Variants in CSH2 observed in about 807,000 individuals in gnomAD.
CSH2 encodes the protein chorionic somatomammotropin hormone 2, also known as choriomammotropin.
A neutral mutation model predicts 22.7 loss-of-function variants in CSH2; 10 were observed. That is an observed-to-expected ratio of 0.44 (90% CI 0.27 to 0.75). CSH2 has a LOEUF of 0.75. Ranked by LOEUF, CSH2 falls within the 30% of genes least tolerant of loss-of-function variation. The pLI is 0.16. For synonymous variants in CSH2, 64 were observed against 115.0 expected (o/e 0.56, Z 2.84); for missense variants, 161 against 271.0 (o/e 0.59, Z 2.85).
chr17:63,872,476 G>T (rs1905138396), intron 4 of CSH2, 101 bp downstream of exon 4: 1 of 1,613,764 alleles, frequency 6.2e-7, no homozygotes, highest in African/African-American at 1.3e-5. Flanking sequence ...GTTCTCTTGG[G>T]TCAGCGCCTG....
intron 4 of CSH2, 55 bp downstream of exon 4, chr17:63,872,522 C>A (rs780919612): frequency 1.2e-6 from 2 of 1,613,892 alleles, no homozygotes; most frequent in African/African-American, 1.3e-5. Flanking sequence ...TTCTCTCCCC[C>A]AGCCCTCTAA....
chr17:63,873,434 A>C, intron 1 of CSH2, 95 bp from the exon 2 acceptor site: 1 of 1,603,216 alleles, frequency 6.2e-7, no homozygotes, highest in Non-Finnish European at 8.5e-7. Context: ...CTCTCTCTCC[A>C]TCCCTCCAGA....
chr17:63,872,205 A>T lies in CSH2; in HGVS notation c.575T>A (p.Phe192Tyr). 6.2e-7 allele frequency: 1 copy of T among 1,613,980 alleles called. No homozygotes were observed. Among genetic ancestry groups the T allele is most frequent in the Non-Finnish European group, 8.5e-7 (1 of 1,179,932 alleles). ...LLKNYGLLYC[F>Y]RKDMDKVETF... is the part of the protein sequence containing the mutation. ...CTCGACCTTGTCCATGTCCTTCCTG[A>T]AGCAGTAGAGCAGCCCGTAGTTCTT... The change falls in exon 5 of 5, where the codon TTC (phenylalanine) becomes TAC (tyrosine). Residue 192 changes from phenylalanine (F) to tyrosine (Y), a missense_variant. Around this residue, in one of 2 missense-constraint regions of CSH2, gnomAD observed 145 missense variants for 157.8 expected, o/e 0.92. Transcript: ENST00000392886.
intron 4 of CSH2, 123 bp from the exon 5 acceptor site, chr17:63,872,446 C>G (rs922268681): frequency 1.4e-5 from 23 of 1,613,598 alleles, no homozygotes; most frequent in African/African-American, 4.0e-5. Context: ...ATTCACCAGG[C>G]GAAATGAAGA....
At position 63,872,175 on chromosome 17, in the gene CSH2, A is replaced by G; in HGVS notation, c.605T>C (p.Phe202Ser). ...FRKDMDKVET[F>S]LRMVQCRSVE... ...AGAGCGGCACTGCACCATGCGCAGG[A>G]ATGTCTCGACCTTGTCCATGTCCTT... The change falls in exon 5 of 5, where the codon TTC (phenylalanine) becomes TCC (serine). Residue 202 changes from phenylalanine (F) to serine (S), a missense_variant. By Grantham distance (155) the Phe-to-Ser change is radical. This residue lies in a region of CSH2 where 145 missense variants were observed against 157.8 expected (regional missense o/e 0.92). Coordinates refer to ENST00000392886, the MANE Select transcript of CSH2 (RefSeq NM_020991.4). 1.9e-6 allele frequency: 3 copies of G among 1,614,046 alleles called. No individual in the cohort carries two copies. Among genetic ancestry groups the G allele is most frequent in the Non-Finnish European group, 2.5e-6 (3 of 1,179,942 alleles).
In CSH2 at chr17:63,872,689, G is replaced by A. The variant is rs1905148791; in HGVS notation, c.344C>T (p.Pro115Leu). The A allele has an allele frequency of 1.3e-6, 2 of 1,599,116 alleles. No homozygotes were observed. Among genetic ancestry groups the A allele is most frequent in the African/African-American group, 2.8e-5 (2 of 71,016 alleles). Residue 115 changes from proline to leucine, a missense_variant, in exon 4 of 5, where the codon CCC becomes CTC. Physicochemically the swap from Pro to Leu is moderately conservative, Grantham distance 98 (BLOSUM62 -3). Coordinates refer to ENST00000392886, the MANE Select transcript of CSH2 (RefSeq NM_020991.4). ...SLLLIESWLEPVRFLRSMFAN... is the reference protein window; with the variant it reads ...SLLLIESWLELVRFLRSMFAN... Reference sequence around the variant, plus strand: ...GAACATACTCCTGAGGAACCGCACGGGCTCCAGCCACGACTCGATGAGCAG... The same window carrying A: ...GAACATACTCCTGAGGAACCGCACGAGCTCCAGCCACGACTCGATGAGCAG...
Position 63,872,067 on chromosome 17 carries a change from C to A in CSH2, c.*59G>T. ...AAGGCTGATGGGCACTGGAGTGGCA[C>A]CTTCCAGGGCCAGGAGAGGCACTGG... On this transcript the variant is annotated 3_prime_UTR_variant, in exon 5 of 5. Coordinates refer to ENST00000392886, the MANE Select transcript of CSH2 (RefSeq NM_020991.4). The A allele has an allele frequency of 1.9e-6, 3 of 1,613,208 alleles. No homozygotes were observed. The highest frequency in any genetic ancestry group is 2.5e-6 in the Non-Finnish European group (3 of 1,179,368).
Position 63,872,249 on chromosome 17 carries a change from G to T in CSH2, c.531C>A (p.His177Gln), listed in dbSNP as rs1318234209. 2.5e-6 allele frequency: 4 copies of T among 1,614,004 alleles called. 1 individual carries two copies. The highest frequency in any genetic ancestry group is 2.5e-6 in the Non-Finnish European group (3 of 1,179,896). The change falls in exon 5 of 5, where the codon CAC (histidine) becomes CAA (glutamine). Residue 177 changes from histidine (H) to glutamine (Q), a missense_variant. His to Gln is a conservative substitution (Grantham distance 24, BLOSUM62 0). This residue lies in a region of CSH2 where 145 missense variants were observed against 157.8 expected (regional missense o/e 0.92). Transcript: ENST00000392886. ...QTYSKFDTNS[H>Q]NHDALLKNYG... ...AGTTCTTGAGCAGTGCGTCATGGTT[G>T]TGTGAGTTTGTGTCAAACTTGCTGT...
rs1322361776 is a variant in CSH2, at chr17:63,872,125, C to G, written c.*1G>C. Reference sequence around the variant, plus strand: ...TCGGTCACAGGATGCCACGCGGGCACCTAGAAGCCACAGCTACCCTCTACA... The same window carrying G: ...TCGGTCACAGGATGCCACGCGGGCAGCTAGAAGCCACAGCTACCCTCTACA... On this transcript the variant is annotated 3_prime_UTR_variant, in exon 5 of 5. Transcript: ENST00000392886. The G allele has an allele frequency of 6.2e-7, 1 of 1,614,070 alleles. No homozygotes were observed. Among genetic ancestry groups the G allele is most frequent in the East Asian group, 2.2e-5 (1 of 44,874 alleles).
upstream of CSH2, chr17:63,873,721 C>G (rs974448439): frequency 7.1e-7 from 1 of 1,404,456 alleles, no homozygotes; most frequent in Non-Finnish European, 9.8e-7. Context: ...GGCCAGTTCT[C>G]TCTCCCTGCT....
At position 63,872,076 on chromosome 17, in the gene CSH2, G is replaced by C. The variant is rs779662134; in HGVS notation, c.*50C>G. ...GGGCACTGGAGTGGCACCTTCCAGG[G>C]CCAGGAGAGGCACTGGGGAGGGGTC... On this transcript the variant is annotated 3_prime_UTR_variant, in exon 5 of 5. Coordinates refer to ENST00000392886, the MANE Select transcript of CSH2 (RefSeq NM_020991.4). 1 of 1,613,468 alleles carries C rather than the reference G, an allele frequency of 6.2e-7. No individual in the cohort carries two copies. The highest frequency in any genetic ancestry group is 2.2e-5 in the East Asian group (1 of 44,896).
In CSH2 at chr17:63,872,174, G is replaced by A; in HGVS notation, c.606C>T (p.Phe202=). 6.2e-7 allele frequency: 1 copy of A among 1,614,094 alleles called. No individual in the cohort carries two copies. The highest frequency in any genetic ancestry group is 2.2e-5 in the East Asian group (1 of 44,886). The change falls in exon 5 of 5, where the codon TTC becomes TTT. Residue 202 remains phenylalanine (F), a synonymous_variant. Coordinates refer to ENST00000392886, the MANE Select transcript of CSH2 (RefSeq NM_020991.4). ...FRKDMDKVET[F]LRMVQCRSVE... is the part of the protein sequence containing the mutation. ...CAGAGCGGCACTGCACCATGCGCAG[G>A]AATGTCTCGACCTTGTCCATGTCCT... is the stretch of plus-strand genomic sequence containing the variant.
rs757507815 is a variant in CSH2 at position 63,873,578 on chromosome 17, G to T, written c.10+27C>A. 9.9e-6 allele frequency: 16 copies of T among 1,610,126 alleles called. No individual in the cohort carries two copies. In the Middle Eastern group the frequency reaches 5.6e-4, roughly 56 times the overall value. On this transcript the variant is annotated intron_variant, in intron 1 of 4. Transcript: ENST00000392886. ...TGCCTCTCCCCTCAGGACACGTTGT[G>T]CCCAAAGGGATTTTAGGGGCGCTTA...
At chr17:63,872,500 G>C (rs1465479061) in intron 4 of CSH2, 77 bp downstream of exon 4, 6 of 1,613,966 alleles carry the variant, frequency 3.7e-6, no homozygotes, top group South Asian at 1.1e-5. Context: ...GCTACAAAGA[G>C]GGCAGCAGTG....
chr17:63,872,211 T>C lies in CSH2; in HGVS notation c.569A>G (p.Tyr190Cys), dbSNP rs746289467. 3.1e-6 allele frequency: 5 copies of C among 1,614,046 alleles called. No individual in the cohort carries two copies. Among genetic ancestry groups the C allele is most frequent in the Admixed American group, 3.3e-5 (2 of 60,020 alleles). ...DALLKNYGLL[Y>C]CFRKDMDKVE... ...CTTGTCCATGTCCTTCCTGAAGCAG[T>C]AGAGCAGCCCGTAGTTCTTGAGCAG... Residue 190 changes from tyrosine to cysteine, a missense_variant, in exon 5 of 5, where the codon TAC becomes TGC. Physicochemically the swap from Tyr to Cys is radical, Grantham distance 194 (BLOSUM62 -2). Coordinates refer to ENST00000392886, the MANE Select transcript of CSH2 (RefSeq NM_020991.4).
Position 63,872,636 on chromosome 17 carries a change from C to T in CSH2, c.397G>A (p.Asp133Asn). ...FANNLVYDTS[D>N]SDDYHLLKDL... Reference sequence around the variant, plus strand: ...TTTAGGAGGTGATAGTCATCGCTGTCCGAGGTGTCATACACCAGGTTGTTG... The same window carrying T: ...TTTAGGAGGTGATAGTCATCGCTGTTCGAGGTGTCATACACCAGGTTGTTG... The change falls in exon 4 of 5, where the codon GAC becomes AAC. Residue 133 changes from aspartate (D) to asparagine (N), a missense_variant. Transcript: ENST00000392886. The T allele has an allele frequency of 2.5e-6, 4 of 1,612,120 alleles. No individual in the cohort carries two copies. The highest frequency in any genetic ancestry group is 3.4e-6 in the Non-Finnish European group (4 of 1,179,420).
Position 63,873,374 on chromosome 17 carries a change from G to A in CSH2, c.11-35C>T, listed in dbSNP as rs368607637. ...AACCGGAGGGCAATGGAGGGAGCCGGAGAGGAAGAGGCCAGCGCTCTCCCT... is the reference window on the plus strand; with the variant it reads ...AACCGGAGGGCAATGGAGGGAGCCGAAGAGGAAGAGGCCAGCGCTCTCCCT... On this transcript the variant is annotated intron_variant, in intron 1 of 4. Transcript: ENST00000392886. The A allele has an allele frequency of 4.3e-5, 69 of 1,611,886 alleles. 1 individual carries two copies. Among genetic ancestry groups the A allele is most frequent in the Admixed American group, 2.7e-4 (16 of 59,780 alleles).
In CSH2 at chr17:63,873,537, C is replaced by G. The variant is rs921141521; in HGVS notation, c.10+68G>C. ...CAAACCTGAGGGTTAGTGCCCCCGT[C>G]CCATCTACAGGGCGCTGCCTCTCCC... On this transcript the variant is annotated intron_variant, in intron 1 of 4. Coordinates refer to ENST00000392886, the MANE Select transcript of CSH2 (RefSeq NM_020991.4). 6.3e-6 allele frequency: 10 copies of G among 1,580,484 alleles called. No homozygotes were observed. The African/African-American group carries it at 1.3e-4, about 21-fold the overall frequency.
rs375686495 is a variant in CSH2, at chr17:63,872,154, C to T, written c.626G>A (p.Arg209His). The T allele has an allele frequency of 1.7e-5, 27 of 1,613,930 alleles. No homozygotes were observed. The highest frequency in any genetic ancestry group is 3.3e-5 in the South Asian group (3 of 91,084). ...GAAGCCACAGCTACCCTCTACAGAG[C>T]GGCACTGCACCATGCGCAGGAATGT... ...VETFLRMVQC[R>H]SVEGSCGF Residue 209 changes from arginine (R) to histidine (H), a missense_variant, in exon 5 of 5, where the codon CGC (arginine) becomes CAC (histidine). Physicochemically the swap from Arg to His is conservative, Grantham distance 29. Transcript: ENST00000392886.
Sources: gnomAD v4.1 joint callset for allele counts on GRCh38, gnomAD v4.1.1 for gene constraint, gnomAD v4.1.1 regional missense constraint, MANE v1.5 for transcripts, NCBI Gene and HGNC (gene_info 2026-07-23, HGNC 2026-07-21) for gene names.